KIAA1549L: variants seen among roughly 807,000 people sequenced by gnomAD.
The protein encoded by KIAA1549L is KIAA1549 like.
Under a neutral mutation model 160.7 loss-of-function variants are expected in KIAA1549L, and 88 were observed. That is an observed-to-expected ratio of 0.55 (90% CI 0.46 to 0.65). The LOEUF is 0.65. Among genes scored for constraint, KIAA1549L ranks in the 30% least tolerant of loss-of-function variants. The pLI, the probability that KIAA1549L is intolerant of heterozygous loss-of-function variation, is 0.00. For synonymous variants in KIAA1549L, 950 were observed against 976.7 expected (o/e 0.97, Z 0.51); for missense variants, 2,258 against 2,437.5 (o/e 0.93, Z 1.55).
At position 33,551,076 on chromosome 11, in the gene KIAA1549L, G is replaced by C; in HGVS notation, c.3538G>C (p.Gly1180Arg). The change falls in exon 5 of 21, where the codon GGT becomes CGT. Residue 1180 changes from glycine (G) to arginine (R), a missense_variant. Physicochemically the swap from Gly to Arg is moderately radical, Grantham distance 125 (BLOSUM62 -2). Transcript: ENST00000658780. ...ILEYSHNVTV[G>R]YYATKGKLVY... ...GGAATATTCTCATAATGTCACAGTTGGTTATTATGCTACCAAAGGGAAGTT... is the reference window on the plus strand; with the variant it reads ...GGAATATTCTCATAATGTCACAGTTCGTTATTATGCTACCAAAGGGAAGTT... 1 of 1,613,932 alleles carries C rather than the reference G, an allele frequency of 6.2e-7. No individual in the cohort carries two copies. Among genetic ancestry groups the C allele is most frequent in the Non-Finnish European group, 8.5e-7 (1 of 1,179,842 alleles).
At chr11:33,626,198 C>T (rs1248940822) in intron 16 of KIAA1549L, among the ~76,000 whole-genome samples, 1 of 144,188 alleles carries the variant, frequency 6.9e-6, no homozygotes, top group Non-Finnish European at 1.5e-5. Flanking sequence ...TAGTGTGATG[C>T]CTCCAGCTTT....
intron 1 of KIAA1549L, among the ~76,000 whole-genome samples, chr11:33,412,984 G>C (rs531582806): frequency 6.6e-6 from 1 of 152,116 alleles, no homozygotes; most frequent in African/African-American, 2.4e-5. Flanking sequence ...CACTTTCAGG[G>C]TAATAAATAC....
intron 15 of KIAA1549L, among the ~76,000 whole-genome samples, chr11:33,617,300 C>G (rs1564926151): frequency 6.6e-6 from 1 of 152,196 alleles, no homozygotes; most frequent in East Asian, 1.9e-4. Context: ...GCCTCACCCC[C>G]ACTTGTAAAA....
chr11:33,562,406 G>A (rs1308705917), intron 8 of KIAA1549L, among the ~76,000 whole-genome samples: 1 of 152,184 alleles, frequency 6.6e-6, no homozygotes, highest in Non-Finnish European at 1.5e-5. Flanking sequence ...TGAGTCTACT[G>A]GCACTGCTAT....
intron 16 of KIAA1549L, among the ~76,000 whole-genome samples, chr11:33,628,700 C>T (rs2133370425): frequency 6.7e-6 from 1 of 148,338 alleles, no homozygotes; most frequent in South Asian, 2.2e-4. Flanking sequence ...AGATGGGTTT[C>T]CTGAATACAG....
intron 9 of KIAA1549L, among the ~76,000 whole-genome samples, chr11:33,572,058 A>G (rs1855277740): frequency 6.7e-6 from 1 of 149,098 alleles, no homozygotes; most frequent in Non-Finnish European, 1.5e-5. Flanking sequence ...TTTTTTTGAG[A>G]TAAAGTCTCG....
chr11:33,530,428 AAAAAAAAAATATATATATAT>A lies in KIAA1549L; in HGVS notation c.239-11372_239-11353del, dbSNP rs1298712396. Among the ~76,000 whole-genome samples the A allele has an allele frequency of 5.2e-3, 107 of 20,546 alleles. 6 individuals carry two copies. The highest frequency in any genetic ancestry group is 0.014 in the African/African-American group (99 of 7,256). 13.5% of individuals were successfully genotyped at this position (20,546 alleles called of 152,430 possible). On this transcript the variant is annotated intron_variant, in intron 1 of 20. Coordinates refer to ENST00000658780, the MANE Select transcript of KIAA1549L (RefSeq NM_012194.3). ...AGAAGAAGAAGGAAAAAAAAAAAAA[AAAAAAAAAATATATATATAT>A]ATATATATATATATATATATATATA... is the stretch of plus-strand genomic sequence containing the variant.
rs146039222 is a variant in KIAA1549L, at chr11:33,590,158, G to A, written c.4567-1079G>A. ...TCCTTACAGCATCCCCTTAAAAGTG[G>A]TTACATGTTGCTCTCACAAACATAT... is the stretch of plus-strand genomic sequence containing the variant. On this transcript the variant is annotated intron_variant, in intron 11 of 20. Coordinates refer to ENST00000658780, the MANE Select transcript of KIAA1549L (RefSeq NM_012194.3). Among the ~76,000 whole-genome samples, 8 of 152,258 alleles carry A rather than the reference G, an allele frequency of 5.3e-5. No individual in the cohort carries two copies. The East Asian group carries it at 1.5e-3, about 29-fold the overall frequency.
At position 33,668,861 on chromosome 11, in the gene KIAA1549L, T is replaced by C. The variant is rs1852576595; in HGVS notation, c.*707T>C. On this transcript the variant is annotated 3_prime_UTR_variant, in exon 21 of 21. Transcript: ENST00000658780. ...ACAGATTTTTTAAAAGGTGTTGCCATTTTGGAAATAAAAGTCCCCTACAAG... is the reference window on the plus strand; with the variant it reads ...ACAGATTTTTTAAAAGGTGTTGCCACTTTGGAAATAAAAGTCCCCTACAAG... 1 of 152,172 alleles carries C rather than the reference T, an allele frequency of 6.6e-6. No individual in the cohort carries two copies. The highest frequency in any genetic ancestry group is 6.5e-5 in the Admixed American group (1 of 15,280). 9.4% of individuals were successfully genotyped at this position (152,172 alleles called of 1,614,324 possible).
rs545137792 is a variant in KIAA1549L, at chr11:33,456,432, A to G, written c.238+79543A>G. Among the ~76,000 whole-genome samples, 10 of 152,060 alleles carry G rather than the reference A, an allele frequency of 6.6e-5. No homozygotes were observed. In the South Asian group the frequency reaches 1.7e-3, roughly 25 times the overall value. On this transcript the variant is annotated intron_variant, in intron 1 of 20. Coordinates refer to ENST00000658780, the MANE Select transcript of KIAA1549L (RefSeq NM_012194.3). The stretch of plus-strand genomic sequence containing the variant: ...TGTTGTTGTTTTTTGTTTTTGTGAG[A>G]CAGGGTCTCACTCTATCACCTAGTC...
At chr11:33,424,713 A>C (rs1851083869) in intron 1 of KIAA1549L, among the ~76,000 whole-genome samples, 1 of 152,226 alleles carries the variant, frequency 6.6e-6, no homozygotes, top group South Asian at 2.1e-4. Flanking sequence ...CTGGGTACTG[A>C]TGAGAAGGGC....
chr11:33,493,295 C>T (rs1852737929), intron 1 of KIAA1549L, among the ~76,000 whole-genome samples: 2 of 152,194 alleles, frequency 1.3e-5, no homozygotes, highest in South Asian at 4.1e-4. Context: ...GGATCTTTTG[C>T]TCTCTTGCCC....
At chr11:33,493,320 C>T (rs1179644213) in intron 1 of KIAA1549L, among the ~76,000 whole-genome samples, 2 of 152,212 alleles carry the variant, frequency 1.3e-5, no homozygotes, top group East Asian at 3.8e-4. Context: ...CTTCCATCTT[C>T]TGCCATAGGA....
intron 1 of KIAA1549L, among the ~76,000 whole-genome samples, chr11:33,408,056 GATA>G (rs1171663181): frequency 6.6e-6 from 1 of 152,084 alleles, no homozygotes; most frequent in Non-Finnish European, 1.5e-5. Context: ...GGGGTGTTAA[GATA>G]ATAAAAATTT....
chr11:33,391,818 C>A (rs930092560), intron 1 of KIAA1549L, among the ~76,000 whole-genome samples: 2 of 152,176 alleles, frequency 1.3e-5, no homozygotes, highest in African/African-American at 2.4e-5. Flanking sequence ...GTGTCTTTAC[C>A]TATAAAAATA....
At chr11:33,430,261 C>CCTCCCTCT (rs1387715028) in intron 1 of KIAA1549L, among the ~76,000 whole-genome samples, 2 of 145,760 alleles carry the variant, frequency 1.4e-5, no homozygotes, top group Admixed American at 1.4e-4. Context: ...TCTCTCCCTC[C>CCTCCCTCT]CTCCCTCTCT....
intron 1 of KIAA1549L, among the ~76,000 whole-genome samples, chr11:33,530,427 A>T (rs1590314647): frequency 6.8e-5 from 3 of 44,112 alleles, no homozygotes; most frequent in East Asian, 7.1e-4. Context: ...AAAAAAAAAA[A>T]AAAAAAAAAA....
intron 1 of KIAA1549L, among the ~76,000 whole-genome samples, chr11:33,417,140 A>G (rs931995354): frequency 6.6e-6 from 1 of 152,218 alleles, no homozygotes; most frequent in Non-Finnish European, 1.5e-5. Flanking sequence ...ATTTTGTTCA[A>G]TCTTTATTAA....
intron 11 of KIAA1549L, among the ~76,000 whole-genome samples, chr11:33,586,082 C>A (rs1056149341): frequency 3.3e-5 from 5 of 152,218 alleles, no homozygotes; most frequent in Admixed American, 1.3e-4. Flanking sequence ...GAGAGAGCTT[C>A]CTGCATCACT....
Sources: allele counts gnomAD v4.1 joint callset (sites outside exome capture counted in the v4.1 genomes callset), GRCh38; gene constraint gnomAD v4.1.1; transcripts MANE v1.5; gene names NCBI Gene and HGNC (gene_info 2026-07-23, HGNC 2026-07-21).